Variants in BACE2 observed in about 807,000 individuals in gnomAD.
BACE2 encodes 56 kDa aspartic-like protease.
Under a neutral mutation model 46.2 loss-of-function variants are expected in BACE2, and 17 were observed. The observed-to-expected ratio is 0.37, with a 90% confidence interval of 0.25 to 0.55. The LOEUF is 0.55. Ranked by LOEUF, BACE2 falls within the 20% of genes least tolerant of loss-of-function variation. The pLI is 0.82. For synonymous variants in BACE2, 277 were observed against 295.9 expected (o/e 0.94, Z 0.66); for missense variants, 595 against 698.1 (o/e 0.85, Z 1.66).
intron 1 of BACE2, among the ~76,000 whole-genome samples, chr21:41,200,113 A>G (rs112198110): frequency 0.053 from 8,075 of 151,600 alleles, 454 homozygotes; most frequent in African/African-American, 0.14. Flanking sequence ...TGGGTGCAGC[A>G]CACCAACATG....
intron 7 of BACE2, among the ~76,000 whole-genome samples, chr21:41,252,923 A>G (rs973266361): frequency 1.6e-4 from 25 of 152,176 alleles, no homozygotes; most frequent in African/African-American, 6.0e-4. Context: ...AGGAGATACC[A>G]CGCTCTCAGG....
intron 8 of BACE2, among the ~76,000 whole-genome samples, chr21:41,266,692 C>T (rs1988075933): frequency 1.3e-5 from 2 of 152,230 alleles, no homozygotes; most frequent in Admixed American, 6.5e-5. Flanking sequence ...AAGGTTTGCA[C>T]AGGCATCTTG....
intron 1 of BACE2, among the ~76,000 whole-genome samples, chr21:41,216,936 GT>G (rs1051907959): frequency 2.6e-5 from 4 of 151,034 alleles, no homozygotes; most frequent in South Asian, 2.1e-4. Flanking sequence ...TTCTTTTTTT[GT>G]TTTTTTTTCT....
In BACE2 at chr21:41,275,580, G is replaced by A. The variant is rs368783682; in HGVS notation, c.1513G>A (p.Val505Ile). The A allele has an allele frequency of 1.9e-6, 3 of 1,614,038 alleles. No individual in the cohort carries two copies. The highest frequency in any genetic ancestry group is 2.5e-6 in the Non-Finnish European group (3 of 1,179,990). The change falls in exon 9 of 9, where the codon GTC (valine) becomes ATC (isoleucine). Residue 505 changes from valine (V) to isoleucine (I), a missense_variant. By Grantham distance (29) the Val-to-Ile change is conservative. Around this residue, in one of 3 missense-constraint regions of BACE2, gnomAD observed 343 missense variants for 419.4 expected, o/e 0.82. Coordinates refer to ENST00000330333, the MANE Select transcript of BACE2 (RefSeq NM_012105.5). The part of the protein sequence containing the change: ...RCQRRPRDPE[V>I]VNDESSLVRH... ...TCAGCGTCGCCCCCGTGACCCTGAG[G>A]TCGTCAATGATGAGTCCTCTCTGGT... is the stretch of plus-strand genomic sequence containing the variant.
intron 1 of BACE2, among the ~76,000 whole-genome samples, chr21:41,221,600 T>C (rs111629232): frequency 0.1 from 15,152 of 151,488 alleles, 2,069 homozygotes; most frequent in African/African-American, 0.31. Flanking sequence ...CCGCAGAGGG[T>C]GGATCACGAG....
rs1032349014 is a variant in BACE2 at position 41,279,388 on chromosome 21, G to A, written c.*3764G>A. On this transcript the variant is annotated 3_prime_UTR_variant, in exon 9 of 9. Coordinates refer to ENST00000330333, the MANE Select transcript of BACE2 (RefSeq NM_012105.5). ...AGGCAGGTGGATCACCTGAGGTCAG[G>A]AGTTTGAGACCAGCCTGGACAACAT... 1 of 152,160 alleles carries A rather than the reference G, an allele frequency of 6.6e-6. No homozygotes were observed. Among genetic ancestry groups the A allele is most frequent in the African/African-American group, 2.4e-5 (1 of 41,426 alleles). 9.4% of individuals were successfully genotyped at this position (152,160 alleles called of 1,614,324 possible).
At chr21:41,183,883 C>T (rs1404089924) in intron 1 of BACE2, 1 of 166,978 alleles carries the variant, frequency 6.0e-6, no homozygotes, top group Non-Finnish European at 1.5e-5. Flanking sequence ...GTGATTCTGG[C>T]CCAGGGGTCA....
intron 1 of BACE2, among the ~76,000 whole-genome samples, chr21:41,203,273 TG>T (rs970998203): frequency 3.1e-4 from 47 of 151,796 alleles, no homozygotes; most frequent in Non-Finnish European, 1.3e-4. Context: ...ATAATTATCA[TG>T]GCCAGGGAAG....
rs1230890126 is a variant in BACE2 at position 41,280,565 on chromosome 21, C to T, written c.*4941C>T. ...AGGGAATCTGCATTTCAGTAAGCTC[C>T]CCAGGTGAGGCTGCAGAGCAGAAAC... is the stretch of plus-strand genomic sequence containing the variant. On this transcript the variant is annotated 3_prime_UTR_variant, in exon 9 of 9. Coordinates refer to ENST00000330333, the MANE Select transcript of BACE2 (RefSeq NM_012105.5). The T allele has an allele frequency of 6.6e-6, 1 of 152,334 alleles. No homozygotes were observed. The highest frequency in any genetic ancestry group is 1.5e-5 in the Non-Finnish European group (1 of 68,132). 9.4% of individuals were successfully genotyped at this position (152,334 alleles called of 1,614,324 possible).
chr21:41,221,548 G>A (rs920144556), intron 1 of BACE2, among the ~76,000 whole-genome samples: 18 of 152,086 alleles, frequency 1.2e-4, no homozygotes, highest in African/African-American at 3.9e-4. Flanking sequence ...AGTGTCGGCC[G>A]GGCGCGGTGG....
At chr21:41,203,554 G>A (rs180736853) in intron 1 of BACE2, among the ~76,000 whole-genome samples, 8 of 152,262 alleles carry the variant, frequency 5.3e-5, no homozygotes, top group Admixed American at 1.3e-4. Context: ...TTTTGGAAAC[G>A]CCAAATGGAG....
intron 4 of BACE2, among the ~76,000 whole-genome samples, chr21:41,242,737 G>C (rs1987340315): frequency 6.6e-6 from 1 of 152,082 alleles, no homozygotes. Flanking sequence ...GTGGTTAACT[G>C]TTTTATTGCA....
At chr21:41,189,737 A>G (rs1349597998) in intron 1 of BACE2, among the ~76,000 whole-genome samples, 1 of 152,218 alleles carries the variant, frequency 6.6e-6, no homozygotes, top group Non-Finnish European at 1.5e-5. Context: ...TCATTGTTTT[A>G]TTAGTCAGGG....
intron 1 of BACE2, among the ~76,000 whole-genome samples, chr21:41,205,554 G>A (rs866070421): frequency 3.9e-5 from 6 of 152,266 alleles, no homozygotes; most frequent in African/African-American, 9.6e-5. Context: ...TTGGCAATTC[G>A]CTTCCCCATT....
At chr21:41,256,607 A>C (rs1237210194) in intron 7 of BACE2, among the ~76,000 whole-genome samples, 1 of 152,174 alleles carries the variant, frequency 6.6e-6, no homozygotes, top group Non-Finnish European at 1.5e-5. Context: ...GATAAACTTA[A>C]CCAATTATCA....
intron 1 of BACE2, among the ~76,000 whole-genome samples, chr21:41,173,359 T>A (rs1280499939): frequency 6.6e-6 from 1 of 152,196 alleles, no homozygotes; most frequent in Admixed American, 6.5e-5. Flanking sequence ...GCCCTGGGGC[T>A]TAGGGTGGGA....
intron 1 of BACE2, among the ~76,000 whole-genome samples, chr21:41,195,623 G>C (rs1296182333): frequency 6.6e-6 from 1 of 152,182 alleles, no homozygotes; most frequent in Non-Finnish European, 1.5e-5. Context: ...GGTGAGGTCA[G>C]AGGCACAGTC....
chr21:41,273,408 G>T (rs2123653896), intron 8 of BACE2, among the ~76,000 whole-genome samples: 1 of 152,298 alleles, frequency 6.6e-6, no homozygotes, highest in East Asian at 1.9e-4. Context: ...CATTGCCAGA[G>T]CAGCCATTTC....
intron 1 of BACE2, among the ~76,000 whole-genome samples, chr21:41,210,985 GC>G (rs752767619): frequency 6.6e-6 from 1 of 152,114 alleles, no homozygotes; most frequent in Non-Finnish European, 1.5e-5. Context: ...TTGCACAAAG[GC>G]ACACTTCCCA....
Sources: gnomAD v4.1 joint callset for allele counts (sites outside exome capture counted in the v4.1 genomes callset) on GRCh38, gnomAD v4.1.1 for gene constraint, gnomAD v4.1.1 regional missense constraint, MANE v1.5 for transcripts, NCBI Gene and HGNC (gene_info 2026-07-23, HGNC 2026-07-21) for gene names.